Variants in CTNNA3 observed in about 807,000 individuals in gnomAD.
CTNNA3 encodes the protein catenin alpha 3, also known as catenin alpha-3.
CTNNA3 carries 76 observed loss-of-function variants against 95.7 expected under a neutral mutation model. The observed-to-expected ratio is 0.79, with a 90% CI of 0.66 to 0.96. The LOEUF (loss-of-function observed/expected upper bound fraction) is 0.96, where lower values mean the gene tolerates loss of function less well. Among genes scored for constraint, CTNNA3 ranks in the 40% least tolerant of loss-of-function variants. The pLI is 0.00. For synonymous variants in CTNNA3, 431 were observed against 374.4 expected, an observed-to-expected ratio of 1.15 and a Z score of -1.74; for missense variants, 1,191 against 1,089.8, an observed-to-expected ratio of 1.09 and a Z score of -1.31.
At chr10:66,262,263 T>C (rs1428707060) in intron 13 of CTNNA3, among the ~76,000 whole-genome samples, 1 of 152,078 alleles carries the variant, frequency 6.6e-6, no homozygotes, top group East Asian at 1.9e-4. Flanking sequence ...TATCATTTCA[T>C]GGTTTTATGA....
At chr10:66,015,215 A>G (rs557448957) in intron 15 of CTNNA3, among the ~76,000 whole-genome samples, 3 of 152,266 alleles carry the variant, frequency 2.0e-5, no homozygotes, top group Non-Finnish European at 4.4e-5. Context: ...TACATACTTG[A>G]GCTAGAATTC....
chr10:66,614,947 T>A (rs887288683), intron 10 of CTNNA3, among the ~76,000 whole-genome samples: 4 of 152,068 alleles, frequency 2.6e-5, no homozygotes, highest in South Asian at 4.1e-4. Context: ...ATCTTATTTA[T>A]GGAAAGAACA....
intron 13 of CTNNA3, among the ~76,000 whole-genome samples, chr10:66,110,519 C>CAA (rs1196944809): frequency 1.3e-5 from 2 of 152,076 alleles, no homozygotes; most frequent in African/African-American, 4.8e-5. Flanking sequence ...TATACACACA[C>CAA]AAACATATAC....
intron 7 of CTNNA3, among the ~76,000 whole-genome samples, chr10:66,789,798 T>C (rs1260452540): frequency 6.6e-6 from 1 of 152,162 alleles, no homozygotes; most frequent in Non-Finnish European, 1.5e-5. Context: ...AGTGCAGAAG[T>C]GCCTGAGCAC....
intron 9 of CTNNA3, among the ~76,000 whole-genome samples, chr10:66,742,208 C>T (rs963808460): frequency 2.6e-5 from 4 of 152,136 alleles, no homozygotes; most frequent in African/African-American, 9.7e-5. Context: ...GAAATGGCCG[C>T]TTTGGGGATG....
intron 10 of CTNNA3, among the ~76,000 whole-genome samples, chr10:66,565,454 C>T (rs1842676378): frequency 6.6e-6 from 1 of 152,130 alleles, no homozygotes; most frequent in African/African-American, 2.4e-5. Context: ...GTCAGGGAAG[C>T]TGCACTTAGA....
chr10:66,350,031 G>C (rs146266624), intron 12 of CTNNA3, among the ~76,000 whole-genome samples: 1 of 152,012 alleles, frequency 6.6e-6, no homozygotes, highest in African/African-American at 2.4e-5. Context: ...TTATAGCAAC[G>C]TAACACATTG....
At chr10:67,509,298 C>T (rs554630097) in intron 5 of CTNNA3, among the ~76,000 whole-genome samples, 4 of 151,714 alleles carry the variant, frequency 2.6e-5, no homozygotes, top group African/African-American at 7.3e-5. Flanking sequence ...CCCATCAACT[C>T]GTTATTTACA....
At chr10:66,630,869 A>T (rs145090299) in intron 9 of CTNNA3, among the ~76,000 whole-genome samples, 1 of 152,318 alleles carries the variant, frequency 6.6e-6, no homozygotes, top group African/African-American at 2.4e-5. Context: ...ATCAACTAAC[A>T]AATATTGATT....
intron 8 of CTNNA3, among the ~76,000 whole-genome samples, chr10:66,774,920 C>G (rs1183600415): frequency 6.6e-6 from 1 of 151,958 alleles, no homozygotes; most frequent in Non-Finnish European, 1.5e-5. Flanking sequence ...TTAACTTTTA[C>G]AAAAACTAAT....
At chr10:67,205,299 CAAGT>C (rs1489414360) in intron 6 of CTNNA3, among the ~76,000 whole-genome samples, 3 of 152,104 alleles carry the variant, frequency 2.0e-5, no homozygotes, top group Non-Finnish European at 2.9e-5. Context: ...GTTTCAGTCC[CAAGT>C]AAGACCAACT....
intron 10 of CTNNA3, among the ~76,000 whole-genome samples, chr10:66,584,550 T>C (rs556897761): frequency 5.3e-5 from 8 of 152,060 alleles, no homozygotes; most frequent in African/African-American, 1.9e-4. Flanking sequence ...TTTCACCCCA[T>C]TAGCTTGAAT....
rs1855250549 is a variant in CTNNA3, at chr10:67,053,627, C to T, written c.1047+126690G>A. Among the ~76,000 whole-genome samples the T allele has an allele frequency of 2.0e-5, 3 of 152,162 alleles. No homozygotes were observed. In the South Asian group the frequency reaches 6.2e-4, roughly 32 times the overall value. ...CTTTTTGCTCTTTGAGGATCCTTTT[C>T]TAAACTGTAAATTTCCTGGAAATGC... On this transcript the variant is annotated intron_variant, in intron 7 of 17. Coordinates refer to ENST00000433211, the MANE Select transcript of CTNNA3 (RefSeq NM_013266.4).
intron 15 of CTNNA3, among the ~76,000 whole-genome samples, chr10:65,996,031 G>A (rs2078649895): frequency 6.6e-6 from 1 of 152,194 alleles, no homozygotes; most frequent in Non-Finnish European, 1.5e-5. Context: ...GCAATGAGCA[G>A]GGAGAATCCA....
At chr10:66,804,842 T>C (rs1841577171) in intron 7 of CTNNA3, among the ~76,000 whole-genome samples, 1 of 152,072 alleles carries the variant, frequency 6.6e-6, no homozygotes, top group Admixed American at 6.6e-5. Flanking sequence ...TATAAAGGCA[T>C]GTTTGCAAGG....
At chr10:66,596,853 A>G (rs78209192) in intron 10 of CTNNA3, among the ~76,000 whole-genome samples, 7,367 of 152,232 alleles carry the variant, frequency 0.048, 594 homozygotes, top group East Asian at 0.26. Context: ...ACATCTAACA[A>G]TTGTCTAACA....
chr10:67,436,195 A>G (rs936416012), intron 5 of CTNNA3, among the ~76,000 whole-genome samples: 2 of 152,162 alleles, frequency 1.3e-5, no homozygotes, highest in African/African-American at 2.4e-5. Flanking sequence ...CTGATCTTCA[A>G]CAAAGCAAAC....
chr10:65,941,707 G>C (rs1045618698), intron 17 of CTNNA3, among the ~76,000 whole-genome samples: 1 of 152,094 alleles, frequency 6.6e-6, no homozygotes, highest in African/African-American at 2.4e-5. Context: ...TTCATATTTA[G>C]TATCTTGATT....
At chr10:66,364,258 A>C (rs1387676168) in intron 12 of CTNNA3, among the ~76,000 whole-genome samples, 1 of 151,546 alleles carries the variant, frequency 6.6e-6, no homozygotes, top group Non-Finnish European at 1.5e-5. Flanking sequence ...ATATGGACAA[A>C]ATGTCCAGGT....
Sources: gnomAD v4.1 joint callset for allele counts (sites outside exome capture counted in the v4.1 genomes callset) on GRCh38, gnomAD v4.1.1 for gene constraint, MANE v1.5 for transcripts, NCBI Gene and HGNC (gene_info 2026-07-23, HGNC 2026-07-21) for gene names.